The following RPA1 variants were observed in gnomAD, a reference collection of about 807,000 sequenced individuals.
RPA1 encodes replication protein A1.
A neutral mutation model predicts 83.0 loss-of-function variants in RPA1; 49 were observed. The ratio of observed to expected loss-of-function variants is 0.59; its 90% CI spans 0.47 to 0.75. The LOEUF is 0.75. RPA1 is among the 30% of genes least tolerant of loss of function. The pLI is 0.00. For missense variants in RPA1, 693 were observed against 776.1 expected, an observed-to-expected ratio of 0.89 and a Z score of 1.27; for synonymous variants, 279 against 281.8, an observed-to-expected ratio of 0.99 and a Z score of 0.10.
chr17:1,838,507 T>C (rs968500183), intron 1 of RPA1, among the ~76,000 whole-genome samples: 1 of 146,462 alleles, frequency 6.8e-6, no homozygotes, highest in Non-Finnish European at 1.5e-5. Flanking sequence ...GGAGGCTGAG[T>C]CAGGAGAATT....
At chr17:1,873,144 A>T (rs542343468) in intron 6 of RPA1, among the ~76,000 whole-genome samples, 1 of 152,266 alleles carries the variant, frequency 6.6e-6, no homozygotes, top group East Asian at 1.9e-4. Flanking sequence ...ACTATCCAGG[A>T]CCCACTTACT....
chr17:1,839,956 C>T (rs973533487), intron 1 of RPA1, among the ~76,000 whole-genome samples: 9 of 151,522 alleles, frequency 5.9e-5, no homozygotes, highest in African/African-American at 2.2e-4. Flanking sequence ...CCACACCCAA[C>T]TACTTTTTGT....
chr17:1,841,110 T>G (rs893189764), intron 1 of RPA1, among the ~76,000 whole-genome samples: 1 of 152,184 alleles, frequency 6.6e-6, no homozygotes, highest in Admixed American at 6.5e-5. Context: ...GGTGTTTAAG[T>G]GGCATTTTTG....
intron 1 of RPA1, among the ~76,000 whole-genome samples, chr17:1,838,806 C>T (rs1911927358): frequency 6.6e-6 from 1 of 152,048 alleles, no homozygotes; most frequent in African/African-American, 2.4e-5. Context: ...ATTGAAAACA[C>T]TATCCCATTT....
rs752821992 is a variant in RPA1, at chr17:1,879,069, C to T, written c.759+8C>T. On this transcript the variant is annotated splice_region_variant and intron_variant, in intron 9 of 16. Transcript: ENST00000254719. ...CTTATTGAAGTGAACAAGGTATGGC[C>T]GTGCTGACTTTAGAACTGACACCGC... 27 of 1,613,944 alleles carry T rather than the reference C, an allele frequency of 1.7e-5. No homozygotes were observed. The East Asian group carries it at 2.2e-4, about 13-fold the overall frequency.
intron 2 of RPA1, 102 bp downstream of exon 2, chr17:1,842,955 AT>A: frequency 1.6e-6 from 2 of 1,225,132 alleles, no homozygotes; most frequent in Non-Finnish European, 1.2e-6. Context: ...ACTTTCGGAA[AT>A]TCACCCCCAG....
At chr17:1,875,515 T>C (rs1597447872) in intron 6 of RPA1, 146 bp from the exon 7 acceptor site, 6 of 841,310 alleles carry the variant, frequency 7.1e-6, no homozygotes, top group Non-Finnish European at 1.1e-5. Flanking sequence ...TGCGTATCTC[T>C]TGCATATAAA....
In RPA1 at chr17:1,879,683, C is replaced by T. The variant is rs772631091; in HGVS notation, c.1076C>T (p.Thr359Ile). Residue 359 changes from threonine (T) to isoleucine (I), a missense_variant, in exon 11 of 17, where the codon ACA becomes ATA. Thr to Ile is a moderately conservative substitution (Grantham distance 89). Transcript: ENST00000254719. ...MDTSGKVVTA[T>I]LWGEDADKFD... ...ACATCCGGGAAGGTGGTGACTGCTA[C>T]ACTGTGGGGGGAAGATGTAAGTGCT... 1 of 1,614,214 alleles carries T rather than the reference C, an allele frequency of 6.2e-7. No individual in the cohort carries two copies. The highest frequency in any genetic ancestry group is 8.5e-7 in the Non-Finnish European group (1 of 1,180,028).
At chr17:1,836,466 CT>C (rs1258182106) in intron 1 of RPA1, among the ~76,000 whole-genome samples, 11 of 152,124 alleles carry the variant, frequency 7.2e-5, no homozygotes, top group African/African-American at 2.7e-4. Flanking sequence ...GTGCGCACCC[CT>C]GTAACCACAT....
At chr17:1,874,032 T>TATATATATATATATATATACAC (rs1171343408) in intron 6 of RPA1, among the ~76,000 whole-genome samples, 1 of 79,272 alleles carries the variant, frequency 1.3e-5, no homozygotes, top group African/African-American at 6.3e-5. Flanking sequence ...TATATATATA[T>TATATATATATATATATATACAC]ACACACACAC....
At chr17:1,876,952 T>C (rs1255857217) in intron 7 of RPA1, among the ~76,000 whole-genome samples, 1 of 152,230 alleles carries the variant, frequency 6.6e-6, no homozygotes, top group Non-Finnish European at 1.5e-5. Context: ...TGATGCTTTT[T>C]GGAGAAGGGA....
chr17:1,832,715 G>A (rs1342101729), intron 1 of RPA1, among the ~76,000 whole-genome samples: 1 of 152,048 alleles, frequency 6.6e-6, no homozygotes, highest in Non-Finnish European at 1.5e-5. Flanking sequence ...CATGACTTGA[G>A]GCAAGATACT....
At chr17:1,882,197 C>G (rs1913823730) in intron 12 of RPA1, among the ~76,000 whole-genome samples, 1 of 152,054 alleles carries the variant, frequency 6.6e-6, no homozygotes, top group Non-Finnish European at 1.5e-5. Context: ...TCTCCTTGGC[C>G]CCTTTTCCTT....
chr17:1,892,912 A>G (rs983914749), intron 15 of RPA1, among the ~76,000 whole-genome samples: 1 of 152,222 alleles, frequency 6.6e-6, no homozygotes, highest in Non-Finnish European at 1.5e-5. Flanking sequence ...AGACCAATAA[A>G]AGCTATGTTT....
chr17:1,847,869 A>G (rs1056277082), intron 4 of RPA1, among the ~76,000 whole-genome samples: 2 of 152,020 alleles, frequency 1.3e-5, no homozygotes, highest in Admixed American at 6.6e-5. Context: ...AAAATACACA[A>G]ATTAGCTGGG....
Position 1,897,130 on chromosome 17 carries a change from T to C in RPA1, c.1806T>C (p.Tyr602=). Residue 602 remains tyrosine, a synonymous_variant, in exon 17 of 17, where the codon TAT becomes TAC. Transcript: ENST00000254719. ...MDVKPVDYRE[Y]GRRLVMSIRR... ...TGAAGCCCGTGGACTACAGAGAGTATGGCCGAAGGCTGGTCATGAGCATCA... is the reference window on the plus strand; with the variant it reads ...TGAAGCCCGTGGACTACAGAGAGTACGGCCGAAGGCTGGTCATGAGCATCA... 3 of 1,569,474 alleles carry C rather than the reference T, an allele frequency of 1.9e-6. 1 individual carries two copies. In the South Asian group the frequency reaches 3.5e-5, roughly 18 times the overall value.
chr17:1,895,077 C>A lies in RPA1; in HGVS notation c.1728C>A (p.Val576=). 1.2e-6 allele frequency: 2 copies of A among 1,613,428 alleles called. No homozygotes were observed. The highest frequency in any genetic ancestry group is 2.2e-5 in the South Asian group (2 of 90,988). The change falls in exon 16 of 17, where the codon GTC becomes GTA. Residue 576 remains valine, a synonymous_variant. Coordinates refer to ENST00000254719, the MANE Select transcript of RPA1 (RefSeq NM_002945.5). ...GATCTTTCATATTCAGAGTCAGGGT[C>A]AAAGTGGAGACCTACAACGTAAGTA... ...NFRSFIFRVR[V]KVETYNDESR...
rs1389271309 is a variant in RPA1 at position 1,884,714 on chromosome 17, C to T, written c.1374+770C>T. On this transcript the variant is annotated intron_variant, in intron 13 of 16. Transcript: ENST00000254719. This position sits in a 1 kb window ranked among gnomAD's most constrained non-coding sequence, Gnocchi z 4.1. ...AAGAATTAAACACTGGACAGATCCT[C>T]GTTGTCCTGTCATGGGACACCCACT... Among the ~76,000 whole-genome samples the T allele has an allele frequency of 2.0e-5, 3 of 152,196 alleles. No individual in the cohort carries two copies. Among genetic ancestry groups the T allele is most frequent in the Non-Finnish European group, 2.9e-5 (2 of 68,040 alleles).
chr17:1,842,701 T>C (rs1912098977), intron 1 of RPA1, 102 bp from the exon 2 acceptor site: 2 of 1,019,984 alleles, frequency 2.0e-6, no homozygotes, highest in Non-Finnish European at 3.0e-6. Flanking sequence ...TAGGCTCTTT[T>C]AACAATCTTA....
Sources: allele counts gnomAD v4.1 joint callset (sites outside exome capture counted in the v4.1 genomes callset), GRCh38; gene constraint gnomAD v4.1.1; non-coding constraint Gnocchi (gnomAD v3.1); transcripts MANE v1.5; gene names NCBI Gene and HGNC (gene_info 2026-07-23, HGNC 2026-07-21).